ELOVL5: variants seen among roughly 807,000 people sequenced by gnomAD.
ELOVL5 encodes ELOVL fatty acid elongase 5, also known as very long chain fatty acid elongase 5.
A neutral mutation model predicts 38.6 loss-of-function variants in ELOVL5; 8 were observed. The ratio of observed to expected loss-of-function variants is 0.21; its 90% CI spans 0.12 to 0.37. The LOEUF (loss-of-function observed/expected upper bound fraction) is 0.37. ELOVL5 is among the 10% of genes least tolerant of loss of function. ELOVL5 has a pLI of 1.00. For synonymous variants in ELOVL5, 127 were observed against 133.7 expected, an observed-to-expected ratio of 0.95 and a Z score of 0.34; for missense variants, 280 against 367.8, an observed-to-expected ratio of 0.76 and a Z score of 1.95.
At chr6:53,286,011 C>T (rs1213614807) in intron 3 of ELOVL5, among the ~76,000 whole-genome samples, 1 of 152,000 alleles carries the variant, frequency 6.6e-6, no homozygotes, top group East Asian at 1.9e-4. Flanking sequence ...CACTGCGAAA[C>T]CAAAAATGGT....
At position 53,276,245 on chromosome 6, in the gene ELOVL5, T is replaced by G. The variant is rs1243364506; in HGVS notation, c.258A>C (p.Gly86=). 6.2e-7 allele frequency: 1 copy of G among 1,610,876 alleles called. No individual in the cohort carries two copies. ...AGAAGTTGTATTTGCCTTCCCATAC[T>G]CCTGTTACTAACTAAAAAAGAAGAA... ...SLYMFCELVT[G]VWEGKYNFFC... The change falls in exon 4 of 8, where the codon GGA becomes GGC. Residue 86 remains glycine, a synonymous_variant. Coordinates refer to ENST00000304434, the MANE Select transcript of ELOVL5 (RefSeq NM_021814.5).
chr6:53,278,096 C>A (rs1766209652), intron 3 of ELOVL5, among the ~76,000 whole-genome samples: 1 of 152,218 alleles, frequency 6.6e-6, no homozygotes, highest in Non-Finnish European at 1.5e-5. Context: ...TAACATATGA[C>A]TGTCTTCATC....
rs376540465 is a variant in ELOVL5 at position 53,295,715 on chromosome 6, GAA to G, written c.-8-10_-8-9del. On this transcript the variant is annotated splice_polypyrimidine_tract_variant and intron_variant, in intron 1 of 7. Transcript: ENST00000304434. ...AATGTTCCATTTGAAAACCTATTAA[GAA>G]AAAAAAAGATACTGATTAATCTCTA... 1.3e-6 allele frequency: 2 copies of G among 1,493,380 alleles called. No individual in the cohort carries two copies. Among genetic ancestry groups the G allele is most frequent in the Admixed American group, 2.2e-5 (1 of 45,412 alleles). 92.5% of individuals were successfully genotyped at this position (1,493,380 alleles called of 1,614,324 possible). A position where few individuals can be genotyped will look rare whatever the true frequency, so the allele number is the denominator to read the frequency against.
intron 5 of ELOVL5, among the ~76,000 whole-genome samples, chr6:53,274,417 A>T (rs79420766): frequency 0.022 from 3,318 of 152,210 alleles, 129 homozygotes; most frequent in African/African-American, 0.076. Flanking sequence ...AGAAAAAAAT[A>T]TCCATAAATA....
At chr6:53,321,494 T>C (rs1033725611) in intron 1 of ELOVL5, among the ~76,000 whole-genome samples, 4 of 152,246 alleles carry the variant, frequency 2.6e-5, no homozygotes, top group Admixed American at 6.5e-5. Flanking sequence ...CATAAAACTT[T>C]AGCTGTATAT....
At chr6:53,340,235 T>C (rs1769270663) in intron 1 of ELOVL5, among the ~76,000 whole-genome samples, 1 of 151,818 alleles carries the variant, frequency 6.6e-6, no homozygotes, top group African/African-American at 2.4e-5. Flanking sequence ...AAGAAAAATA[T>C]ATATTAAAAT....
intron 1 of ELOVL5, among the ~76,000 whole-genome samples, chr6:53,296,618 T>C (rs986153205): frequency 6.6e-6 from 1 of 152,154 alleles, no homozygotes; most frequent in African/African-American, 2.4e-5. Flanking sequence ...TGTGTATATA[T>C]TACTTGCTTA....
At chr6:53,347,151 G>A (rs1015085686) in intron 1 of ELOVL5, among the ~76,000 whole-genome samples, 1 of 152,104 alleles carries the variant, frequency 6.6e-6, no homozygotes, top group African/African-American at 2.4e-5. Context: ...ACTACATTCT[G>A]TAACATTACC....
At chr6:53,281,623 G>A (rs1049434295) in intron 3 of ELOVL5, among the ~76,000 whole-genome samples, 33 of 152,152 alleles carry the variant, frequency 2.2e-4, no homozygotes, top group Admixed American at 5.2e-4. Flanking sequence ...TTTTTCTTCC[G>A]CAGATGTTTG....
chr6:53,320,027 T>G (rs1201011827), intron 1 of ELOVL5, among the ~76,000 whole-genome samples: 1 of 152,140 alleles, frequency 6.6e-6, no homozygotes, highest in Non-Finnish European at 1.5e-5. Flanking sequence ...ATAACTCATA[T>G]TTCTGGCCAG....
chr6:53,327,922 T>C (rs2127590320), intron 1 of ELOVL5, among the ~76,000 whole-genome samples: 2 of 152,252 alleles, frequency 1.3e-5, no homozygotes, highest in Middle Eastern at 6.8e-3. Context: ...CTGAACTTTA[T>C]TTTCCCCTCA....
chr6:53,305,206 AC>A (rs1157662215), intron 1 of ELOVL5, among the ~76,000 whole-genome samples: 4 of 92,436 alleles, frequency 4.3e-5, no homozygotes, highest in Non-Finnish European at 8.4e-5. Flanking sequence ...CGCGGGGCTG[AC>A]CCCCCACCTC....
intron 1 of ELOVL5, among the ~76,000 whole-genome samples, chr6:53,325,177 C>T (rs889300917): frequency 1.3e-5 from 2 of 152,148 alleles, no homozygotes; most frequent in Admixed American, 6.5e-5. Context: ...CTCCAAAATG[C>T]CATGTTTCAC....
chr6:53,312,682 CTG>C (rs1353188311), intron 1 of ELOVL5, among the ~76,000 whole-genome samples: 2 of 152,114 alleles, frequency 1.3e-5, no homozygotes, highest in Non-Finnish European at 2.9e-5. Flanking sequence ...CTTGGGATCT[CTG>C]TATTATTTCT....
rs146920388 is a variant in ELOVL5, at chr6:53,331,429, G to A, written c.-9+17388C>T. Among the ~76,000 whole-genome samples the A allele has an allele frequency of 1.6e-4, 24 of 152,308 alleles. No homozygotes were observed. The East Asian group carries it at 2.3e-3, about 15-fold the overall frequency. ...CCCTATCAAGCACTGTATATGGTAC[G>A]TAATTGTATGTGTGATACTTTTATA... On this transcript the variant is annotated intron_variant, in intron 1 of 7. Transcript: ENST00000304434.
intron 1 of ELOVL5, among the ~76,000 whole-genome samples, chr6:53,308,841 C>T (rs1767706885): frequency 7.2e-6 from 1 of 138,182 alleles, no homozygotes. Context: ...GCAGCAATTC[C>T]CTGTTTCCTC....
At chr6:53,333,981 T>C (rs144788822) in intron 1 of ELOVL5, among the ~76,000 whole-genome samples, 3 of 152,156 alleles carry the variant, frequency 2.0e-5, no homozygotes, top group Non-Finnish European at 2.9e-5. Context: ...TATGGTATCC[T>C]ACAATCTCTA....
rs1765793744 is a variant in ELOVL5, at chr6:53,267,877, C to G, written c.*1250G>C. 1 of 152,200 alleles carries G rather than the reference C, an allele frequency of 6.6e-6. No individual in the cohort carries two copies. Among genetic ancestry groups the G allele is most frequent in the Non-Finnish European group, 1.5e-5 (1 of 68,020 alleles). 9.4% of individuals were successfully genotyped at this position (152,200 alleles called of 1,614,324 possible). On this transcript the variant is annotated 3_prime_UTR_variant, in exon 8 of 8. Transcript: ENST00000304434. ...ACATCATAGGCTTTACCTGTTTGAC[C>G]ACTGCCTCAAATGTGTGAGATGTGA...
chr6:53,321,948 C>G (rs147127390), intron 1 of ELOVL5, among the ~76,000 whole-genome samples: 195 of 152,294 alleles, frequency 1.3e-3, no homozygotes, highest in Non-Finnish European at 1.7e-3. Flanking sequence ...TTCTTTCTCT[C>G]AGGTTATTAG....
Sources: gnomAD v4.1 joint callset for allele counts (sites outside exome capture counted in the v4.1 genomes callset) on GRCh38, gnomAD v4.1.1 for gene constraint, MANE v1.5 for transcripts, NCBI Gene and HGNC (gene_info 2026-07-23, HGNC 2026-07-21) for gene names.